Variants in FSD1L observed in about 807,000 individuals in gnomAD.
FSD1L encodes FSD1-like protein.
Under a neutral mutation model 71.6 loss-of-function variants are expected in FSD1L, and 45 were observed. That is an observed-to-expected ratio of 0.63 (90% CI 0.49 to 0.81). The LOEUF is 0.81. FSD1L is among the 30% of genes least tolerant of loss of function. The pLI, the probability that FSD1L is intolerant of heterozygous loss-of-function variation, is 0.00. For missense variants in FSD1L, 561 were observed against 618.1 expected, an observed-to-expected ratio of 0.91 and a Z score of 0.98; for synonymous variants, 197 against 207.2, an observed-to-expected ratio of 0.95 and a Z score of 0.42.
At chr9:105,465,478 C>T (rs1830997735) in intron 3 of FSD1L, among the ~76,000 whole-genome samples, 1 of 152,112 alleles carries the variant, frequency 6.6e-6, no homozygotes, top group South Asian at 2.1e-4. Flanking sequence ...GGCCAGTATT[C>T]CTAATCAACA....
At chr9:105,508,070 T>C (rs747538707) in intron 8 of FSD1L, among the ~76,000 whole-genome samples, 1 of 152,024 alleles carries the variant, frequency 6.6e-6, no homozygotes, top group Non-Finnish European at 1.5e-5. Context: ...GGTTTCTCCA[T>C]GTTGGTCAGG....
At chr9:105,506,350 T>C (rs1471520431) in intron 7 of FSD1L, 49 bp from the exon 8 acceptor site, 1 of 1,309,206 alleles carries the variant, frequency 7.6e-7, no homozygotes, top group Admixed American at 2.1e-5. Flanking sequence ...TGATTAGTGT[T>C]GTAATAAATG....
At chr9:105,525,516 A>G (rs1045442862) in intron 10 of FSD1L, 25 of 1,609,944 alleles carry the variant, frequency 1.6e-5, no homozygotes, top group Non-Finnish European at 2.0e-5. Flanking sequence ...CAATACCTCA[A>G]AAACCTCAGT....
chr9:105,503,709 A>G (rs1260284676), intron 7 of FSD1L, among the ~76,000 whole-genome samples: 1 of 152,208 alleles, frequency 6.6e-6, no homozygotes. Flanking sequence ...TAAGTACACT[A>G]TCTTTCATCT....
chr9:105,540,805 T>G (rs1330483215), intron 13 of FSD1L, among the ~76,000 whole-genome samples: 2 of 152,038 alleles, frequency 1.3e-5, no homozygotes, highest in African/African-American at 4.8e-5. Context: ...AAAAGAAAAA[T>G]TTGTTTCTCT....
chr9:105,443,984 A>T (rs1224826591), upstream of FSD1L, among the ~76,000 whole-genome samples: 1 of 152,136 alleles, frequency 6.6e-6, no homozygotes, highest in Non-Finnish European at 1.5e-5. Flanking sequence ...CTGGGTGGCA[A>T]ATGCTAAGAC....
chr9:105,512,176 A>G (rs1834429161), intron 9 of FSD1L, among the ~76,000 whole-genome samples: 2 of 151,782 alleles, frequency 1.3e-5, no homozygotes, highest in Non-Finnish European at 2.9e-5. Flanking sequence ...TCCTCAAAAT[A>G]TTAAATAATC....
intron 13 of FSD1L, among the ~76,000 whole-genome samples, chr9:105,541,889 G>C (rs555168839): frequency 1.3e-5 from 2 of 152,316 alleles, no homozygotes; most frequent in Non-Finnish European, 2.9e-5. Flanking sequence ...TGTATGGTAT[G>C]TAGCCTTTCG....
intron 5 of FSD1L, among the ~76,000 whole-genome samples, chr9:105,477,112 C>T (rs1399570264): frequency 1.3e-5 from 2 of 152,106 alleles, no homozygotes; most frequent in African/African-American, 4.8e-5. Flanking sequence ...CATATGTGCA[C>T]ACACACACTA....
At chr9:105,508,756 A>G (rs188266889) in intron 9 of FSD1L, 41 bp downstream of exon 9, 1 of 1,193,698 alleles carries the variant, frequency 8.4e-7, no homozygotes, top group Admixed American at 2.4e-5. Flanking sequence ...AACAAAGCTT[A>G]ACATCTGAAG....
At chr9:105,464,171 C>A in intron 2 of FSD1L, 65 bp from the exon 3 acceptor site, 1 of 812,462 alleles carries the variant, frequency 1.2e-6, no homozygotes, top group Non-Finnish European at 2.0e-6. Context: ...TTAGAGAATG[C>A]TTGTTAATGA....
In FSD1L at chr9:105,537,548, G is replaced by A. The variant is rs114559707; in HGVS notation, c.1379-1715G>A. 6.4e-3 allele frequency among the ~76,000 whole-genome samples: 967 copies of A among 151,980 alleles called. 16 individuals are homozygous for A. The highest frequency in any genetic ancestry group is 0.022 in the African/African-American group (913 of 41,402). Reference sequence around the variant, plus strand: ...TACAGTTTTTAGTCTAGAACATAACGTATGGCAAGGGGAAGTTGTACTGTG... The same window carrying A: ...TACAGTTTTTAGTCTAGAACATAACATATGGCAAGGGGAAGTTGTACTGTG... On this transcript the variant is annotated intron_variant, in intron 12 of 13. Coordinates refer to ENST00000481272, the MANE Select transcript of FSD1L (RefSeq NM_001145313.3).
intron 10 of FSD1L, chr9:105,523,550 T>A: frequency 1.2e-6 from 2 of 1,612,714 alleles, no homozygotes; most frequent in Non-Finnish European, 1.7e-6. Context: ...AGAATCTAGC[T>A]AAGATTAGAG....
At position 105,547,168 on chromosome 9, in the gene FSD1L, T is replaced by C. The variant is rs537140156; in HGVS notation, c.*685T>C. On this transcript the variant is annotated 3_prime_UTR_variant, in exon 14 of 14. Transcript: ENST00000481272. ...GCACTAACAATGGCAAGGGGGGTAT[T>C]CTTTATATGTTGCCTTGTTTAACTA... The C allele has an allele frequency of 1.3e-5, 2 of 152,548 alleles. No individual in the cohort carries two copies. Among genetic ancestry groups the C allele is most frequent in the East Asian group, 3.9e-4 (2 of 5,186 alleles). The allele number at this position is 152,548 out of a possible 1,614,324, so 9.4% of individuals were successfully genotyped here.
chr9:105,533,662 C>A (rs187158654), intron 10 of FSD1L, among the ~76,000 whole-genome samples: 21 of 150,574 alleles, frequency 1.4e-4, no homozygotes, highest in Admixed American at 1.3e-4. Context: ...ACTTCGAGAT[C>A]CGCCTGTCTT....
chr9:105,462,975 TA>T (rs1235078351), intron 2 of FSD1L, among the ~76,000 whole-genome samples: 6 of 151,216 alleles, frequency 4.0e-5, no homozygotes, highest in African/African-American at 1.5e-4. Flanking sequence ...CCGTCTCTAC[TA>T]AAAATGCAAA....
At chr9:105,445,620 T>C (rs1159625702), upstream of FSD1L, among the ~76,000 whole-genome samples, 2 of 152,090 alleles carry the variant, frequency 1.3e-5, no homozygotes, top group African/African-American at 4.8e-5. Context: ...GTGGGTCCCA[T>C]AGTGGCAAGC....
At chr9:105,502,314 G>A (rs72744266) in intron 7 of FSD1L, among the ~76,000 whole-genome samples, 16,542 of 152,084 alleles carry the variant, frequency 0.11, 1,174 homozygotes, top group Admixed American at 0.21. Context: ...ACCATTATTC[G>A]TTTTTACTTT....
chr9:105,521,189 C>T (rs1351685134), intron 10 of FSD1L: 2 of 1,614,046 alleles, frequency 1.2e-6, no homozygotes, highest in Non-Finnish European at 8.5e-7. Context: ...TGGTTTCTTT[C>T]TGGCTGGAGC....
Sources: allele counts gnomAD v4.1 joint callset (sites outside exome capture counted in the v4.1 genomes callset), GRCh38; gene constraint gnomAD v4.1.1; transcripts MANE v1.5; gene names NCBI Gene and HGNC (gene_info 2026-07-23, HGNC 2026-07-21).